Variants in MAFG observed in about 807,000 individuals in gnomAD.
MAFG encodes transcription factor MafG.
In MAFG, 3 loss-of-function variants were observed where a neutral mutation model predicts 12.2. The observed-to-expected ratio is 0.25, with a 90% CI of 0.11 to 0.64. MAFG has a LOEUF of 0.64. MAFG is among the 30% of genes least tolerant of loss of function. The pLI, the probability that MAFG is intolerant of heterozygous loss-of-function variation, is 0.85. For missense variants in MAFG, 153 were observed against 235.5 expected (o/e 0.65, Z 2.29); for synonymous variants, 126 against 109.1 (o/e 1.15, Z -0.96).
In MAFG at chr17:81,922,574, C is replaced by A; in HGVS notation, c.*31G>T. On this transcript the variant is annotated 3_prime_UTR_variant, in exon 3 of 3. Coordinates refer to ENST00000357736, the MANE Select transcript of MAFG (RefSeq NM_002359.4). Reference sequence around the variant, plus strand: ...AAATTCGCCATGTGCCTAGTGGCCCCGCAAAGACCCGCCTGGGCAGACGCG... The same window carrying A: ...AAATTCGCCATGTGCCTAGTGGCCCAGCAAAGACCCGCCTGGGCAGACGCG... The A allele has an allele frequency of 7.0e-7, 1 of 1,420,818 alleles. No individual in the cohort carries two copies. The highest frequency in any genetic ancestry group is 2.6e-5 in the East Asian group (1 of 37,868). 88.0% of individuals were successfully genotyped at this position (1,420,818 alleles called of 1,614,324 possible). A position where few individuals can be genotyped will look rare whatever the true frequency, so the allele number is the denominator to read the frequency against.
In MAFG at chr17:81,922,965, G is replaced by A. The variant is rs575859230; in HGVS notation, c.129C>T (p.Gly43=). 2.7e-5 allele frequency: 44 copies of A among 1,600,452 alleles called. No individual in the cohort carries two copies. In the South Asian group the frequency reaches 4.9e-4, roughly 18 times the overall value. ...SVRELNQHLR[G]LSKEEIVQLK... The stretch of plus-strand genomic sequence containing the variant: ...GCTGGACGATCTCCTCCTTGGACAG[G>A]CCCCGCAGGTGCTGGTTCAGCTCCC... Residue 43 remains glycine (G), a synonymous_variant, in exon 3 of 3, where the codon GGC becomes GGT. Coordinates refer to ENST00000357736, the MANE Select transcript of MAFG (RefSeq NM_002359.4).
rs369590280 is a variant in MAFG at position 81,922,655 on chromosome 17, C to T, written c.439G>A (p.Ala147Thr). The change falls in exon 3 of 3, where the codon GCC (alanine) becomes ACC (threonine). Residue 147 changes from alanine (A) to threonine (T), a missense_variant. Around this residue, in one of 3 missense-constraint regions of MAFG, gnomAD observed 81 missense variants for 94.7 expected, o/e 0.86. Transcript: ENST00000357736. ...LGPLVPGKVA[A>T]TSVITIVKSK... is the part of the protein sequence containing the mutation. ...TTTACTATTGTGATGACGCTGGTGG[C>T]GGCCACCTTGCCTGGGACGAGGGGC... is the stretch of plus-strand genomic sequence containing the variant. 28 of 1,503,756 alleles carry T rather than the reference C, an allele frequency of 1.9e-5. No individual in the cohort carries two copies. The highest frequency in any genetic ancestry group is 4.1e-5 in the South Asian group (3 of 73,070). 93.2% of individuals were successfully genotyped at this position (1,503,756 alleles called of 1,614,324 possible).
intron 1 of MAFG, among the ~76,000 whole-genome samples, chr17:81,925,283 AC>A (rs2040930297): frequency 6.6e-6 from 1 of 152,152 alleles, no homozygotes; most frequent in Admixed American, 6.5e-5. Context: ...TACCTAGGCC[AC>A]CCATTCACAC....
Position 81,922,968 on chromosome 17 carries a change from C to T in MAFG, c.126G>A (p.Arg42=), listed in dbSNP as rs1464945150. Residue 42 remains arginine (R), a synonymous_variant, in exon 3 of 3, where the codon CGG becomes CGA. Coordinates refer to ENST00000357736, the MANE Select transcript of MAFG (RefSeq NM_002359.4). The part of the protein sequence containing the change: ...MSVRELNQHL[R]GLSKEEIVQL... ...GGACGATCTCCTCCTTGGACAGGCC[C>T]CGCAGGTGCTGGTTCAGCTCCCGCA... 6.2e-7 allele frequency: 1 copy of T among 1,600,348 alleles called. No homozygotes were observed. The highest frequency in any genetic ancestry group is 1.1e-5 in the South Asian group (1 of 89,154).
At chr17:81,927,330 G>A (rs1462526004) in intron 1 of MAFG, among the ~76,000 whole-genome samples, 198 bp downstream of exon 1, 1 of 151,348 alleles carries the variant, frequency 6.6e-6, no homozygotes, top group Non-Finnish European at 1.5e-5. Context: ...AGGAGGAGCT[G>A]GCTCCTGACC....
intron 1 of MAFG, among the ~76,000 whole-genome samples, chr17:81,925,268 G>A (rs1216712310): frequency 2.0e-5 from 3 of 152,230 alleles, no homozygotes; most frequent in Non-Finnish European, 2.9e-5. Flanking sequence ...CGCAACCTGC[G>A]AGGGTACCTA....
Position 81,924,932 on chromosome 17 carries a change from G to A in MAFG, c.-29-1718C>T, listed in dbSNP as rs754070324. 3.3e-5 allele frequency among the ~76,000 whole-genome samples: 5 copies of A among 151,974 alleles called. No homozygotes were observed. Among genetic ancestry groups the A allele is most frequent in the South Asian group, 2.1e-4 (1 of 4,800 alleles). ...TGGTGACTTCCTGAAGAGATCACAC[G>A]GAAAAGTGCCTCCTCGACAGATTTT... On this transcript the variant is annotated intron_variant, in intron 1 of 2. Coordinates refer to ENST00000357736, the MANE Select transcript of MAFG (RefSeq NM_002359.4). The surrounding 1 kb of genome is among the most constrained non-coding windows in gnomAD (Gnocchi z 4.7).
Position 81,922,750 on chromosome 17 carries a change from T to C in MAFG, c.344A>G (p.Gln115Arg), listed in dbSNP as rs2040904464. 1 of 1,588,610 alleles carries C rather than the reference T, an allele frequency of 6.3e-7. No homozygotes were observed. Among genetic ancestry groups the C allele is most frequent in the Admixed American group, 1.8e-5 (1 of 56,804 alleles). ...DALRSKYEALQTFARTVARSP... is the reference protein window; with the variant it reads ...DALRSKYEALRTFARTVARSP... Reference sequence around the variant, plus strand: ...GCGGGCCACCGTCCGGGCGAAGGTCTGCAGCGCCTCGTACTTGGAGCGCAG... The same window carrying C: ...GCGGGCCACCGTCCGGGCGAAGGTCCGCAGCGCCTCGTACTTGGAGCGCAG... The change falls in exon 3 of 3, where the codon CAG becomes CGG. Residue 115 changes from glutamine to arginine, a missense_variant. Transcript: ENST00000357736.
upstream of MAFG, among the ~76,000 whole-genome samples, chr17:81,928,941 G>A (rs111909572): frequency 7.8e-3 from 1,182 of 152,290 alleles, 6 homozygotes; most frequent in Non-Finnish European, 0.011. The surrounding 1 kb of genome is among the most constrained non-coding windows in gnomAD (Gnocchi z 8.1). Flanking sequence ...GGGCGGTGAG[G>A]GCTAGGTCCA....
Position 81,926,679 on chromosome 17 carries a change from C to G in MAFG, c.-30+849G>C, listed in dbSNP as rs1212466870. 1.3e-5 allele frequency among the ~76,000 whole-genome samples: 2 copies of G among 152,174 alleles called. No homozygotes were observed. Among genetic ancestry groups the G allele is most frequent in the African/African-American group, 4.8e-5 (2 of 41,432 alleles). The stretch of plus-strand genomic sequence containing the variant: ...ACTGCTCCAGACTTGGGACCAGGAC[C>G]AGCTGCCGGAAAAGAGCCGCCTGGG... On this transcript the variant is annotated intron_variant, in intron 1 of 2. Transcript: ENST00000357736. The surrounding 1 kb of genome is among the most constrained non-coding windows in gnomAD (Gnocchi z 4.6).
chr17:81,918,270 T>C lies in MAFG; in HGVS notation c.*4335A>G, dbSNP rs1193554310. The C allele has an allele frequency of 3.7e-5, 26 of 698,798 alleles. No individual in the cohort carries two copies. In the Middle Eastern group the frequency reaches 1.3e-3, roughly 34 times the overall value. The allele number at this position is 698,798 out of a possible 1,614,324, so 43.3% of individuals were successfully genotyped here. ...GTCGCCCCAAAGAAGCACCTGCCAG[T>C]CTCTTTAAAAGGTTTATTGATCATA... On this transcript the variant is annotated 3_prime_UTR_variant, in exon 3 of 3. Coordinates refer to ENST00000357736, the MANE Select transcript of MAFG (RefSeq NM_002359.4).
At chr17:81,925,680 C>T (rs551888988) in intron 1 of MAFG, among the ~76,000 whole-genome samples, 28 of 151,744 alleles carry the variant, frequency 1.8e-4, no homozygotes, top group Non-Finnish European at 3.2e-4. Flanking sequence ...TCGTGGTGGG[C>T]GCCTGTAGTC....
chr17:81,922,970 G>T lies in MAFG; in HGVS notation c.124C>A (p.Arg42=). Residue 42 remains arginine (R), a synonymous_variant, in exon 3 of 3, where the codon CGG becomes AGG. Coordinates refer to ENST00000357736, the MANE Select transcript of MAFG (RefSeq NM_002359.4). ...ACGATCTCCTCCTTGGACAGGCCCC[G>T]CAGGTGCTGGTTCAGCTCCCGCACC... ...MSVRELNQHL[R]GLSKEEIVQL... 6.3e-7 allele frequency: 1 copy of T among 1,599,612 alleles called. No homozygotes were observed. Among genetic ancestry groups the T allele is most frequent in the Non-Finnish European group, 8.5e-7 (1 of 1,173,286 alleles).
chr17:81,923,261 C>CG, intron 1 of MAFG, 47 bp from the exon 2 acceptor site: 2 of 808,236 alleles, frequency 2.5e-6, no homozygotes, highest in South Asian at 3.1e-5. Context: ...ACCCTCGCCG[C>CG]ACCCCCCCCC....
rs1198077398 is a variant in MAFG at position 81,919,689 on chromosome 17, G to A, written c.*2916C>T. 2 of 152,328 alleles carry A rather than the reference G, an allele frequency of 1.3e-5. No homozygotes were observed. Among genetic ancestry groups the A allele is most frequent in the Admixed American group, 6.5e-5 (1 of 15,280 alleles). 9.4% of individuals were successfully genotyped at this position (152,328 alleles called of 1,614,324 possible). A position where few individuals can be genotyped will look rare whatever the true frequency, so the allele number is the denominator to read the frequency against. The stretch of plus-strand genomic sequence containing the variant: ...CACCACCCTCTCCACCACCCTCTCA[G>A]TAGGAAAGCGGGATCAACAGAGATC... On this transcript the variant is annotated 3_prime_UTR_variant, in exon 3 of 3. Coordinates refer to ENST00000357736, the MANE Select transcript of MAFG (RefSeq NM_002359.4).
At chr17:81,927,489 G>C (rs1185142998) in intron 1 of MAFG, 39 bp downstream of exon 1, 1 of 144,930 alleles carries the variant, frequency 6.9e-6, no homozygotes, top group Non-Finnish European at 1.5e-5. Context: ...CCGCCGCGCC[G>C]CCCCCACCGC....
rs1241805583 is a variant in MAFG at position 81,919,825 on chromosome 17, AG to A, written c.*2779del. On this transcript the variant is annotated 3_prime_UTR_variant, in exon 3 of 3. Coordinates refer to ENST00000357736, the MANE Select transcript of MAFG (RefSeq NM_002359.4). Reference sequence around the variant, plus strand: ...CCGCAGGGCTGACCTGACAGGGGACAGGAACACTCCCCTAGACCCAGGGAAG... The same window carrying A: ...CCGCAGGGCTGACCTGACAGGGGACAGAACACTCCCCTAGACCCAGGGAAG... 3 of 152,284 alleles carry A rather than the reference AG, an allele frequency of 2.0e-5. No homozygotes were observed. Among genetic ancestry groups the A allele is most frequent in the Admixed American group, 6.5e-5 (1 of 15,272 alleles). The allele number at this position is 152,284 out of a possible 1,614,324, so 9.4% of individuals were successfully genotyped here.
rs1160135579 is a variant in MAFG, at chr17:81,919,661, G to A, written c.*2944C>T. ...TGTCAGAAAAACTGAGGTGAGAAGA[G>A]ACCACCACCCTCTCCACCACCCTCT... is the stretch of plus-strand genomic sequence containing the variant. On this transcript the variant is annotated 3_prime_UTR_variant, in exon 3 of 3. Transcript: ENST00000357736. 2 of 152,280 alleles carry A rather than the reference G, an allele frequency of 1.3e-5. No individual in the cohort carries two copies. Among genetic ancestry groups the A allele is most frequent in the African/African-American group, 4.8e-5 (2 of 41,444 alleles). The allele number at this position is 152,280 out of a possible 1,614,324, so 9.4% of individuals were successfully genotyped here. A position where few individuals can be genotyped will look rare whatever the true frequency, so the allele number is the denominator to read the frequency against.
rs199793023 is a variant in MAFG, at chr17:81,921,697, TC to T, written c.*907del. ...GAAAGGGATTTTTTTTCTTTTTTTTTCTTTTTTTTTTAACTAGCAAAGTTTC... is the reference window on the plus strand; with the variant it reads ...GAAAGGGATTTTTTTTCTTTTTTTTTTTTTTTTTTTAACTAGCAAAGTTTC... On this transcript the variant is annotated 3_prime_UTR_variant, in exon 3 of 3. Transcript: ENST00000357736. The T allele has an allele frequency of 2.0e-5, 3 of 151,904 alleles. No individual in the cohort carries two copies. The highest frequency in any genetic ancestry group is 3.8e-4 in the East Asian group (2 of 5,198). 9.4% of individuals were successfully genotyped at this position (151,904 alleles called of 1,614,324 possible).
Sources: gnomAD v4.1 joint callset for allele counts (sites outside exome capture counted in the v4.1 genomes callset) on GRCh38, gnomAD v4.1.1 for gene constraint, gnomAD v4.1.1 regional missense constraint, Gnocchi (gnomAD v3.1) non-coding constraint, MANE v1.5 for transcripts, NCBI Gene and HGNC (gene_info 2026-07-23, HGNC 2026-07-21) for gene names.